WAC: variants seen among roughly 807,000 people sequenced by gnomAD.
WAC encodes WW domain-containing adapter protein with coiled-coil.
WAC carries 11 observed loss-of-function variants against 79.6 expected under a neutral mutation model. The ratio of observed to expected loss-of-function variants is 0.14; its 90% CI spans 0.09 to 0.23. WAC has a LOEUF of 0.23. Ranked by LOEUF, WAC falls within the 10% of genes least tolerant of loss-of-function variation. The probability of loss-of-function intolerance (pLI) is 1.00; values close to 1 mark genes in which losing one functional copy is unlikely to be tolerated. For synonymous variants in WAC, 304 were observed against 276.9 expected (o/e 1.10, Z -0.97); for missense variants, 728 against 773.5 (o/e 0.94, Z 0.70).
rs1473308612 is a variant in WAC at position 28,622,887 on chromosome 10, C to T, written c.*3281C>T. The stretch of plus-strand genomic sequence containing the variant: ...TATTGTAGTTCAGGACTTCCAGCTA[C>T]TGTATTTAGATGTTGGGTTTGAATA... On this transcript the variant is annotated 3_prime_UTR_variant, in exon 14 of 14. Transcript: ENST00000354911. 6.6e-6 allele frequency: 1 copy of T among 152,152 alleles called. No individual in the cohort carries two copies. The highest frequency in any genetic ancestry group is 1.5e-5 in the Non-Finnish European group (1 of 68,040). The allele number at this position is 152,152 out of a possible 1,614,324, so 9.4% of individuals were successfully genotyped here.
chr10:28,580,516 G>A (rs571506375), intron 3 of WAC, among the ~76,000 whole-genome samples: 12 of 152,286 alleles, frequency 7.9e-5, no homozygotes, highest in African/African-American at 2.6e-4. Flanking sequence ...TCAAGAATGT[G>A]TGCAAATAAA....
chr10:28,540,426 T>A (rs1190910946), intron 3 of WAC, among the ~76,000 whole-genome samples: 1 of 152,208 alleles, frequency 6.6e-6, no homozygotes, highest in African/African-American at 2.4e-5. Context: ...ATCTTCACCC[T>A]TCTTCCCTCA....
chr10:28,596,123 C>A, intron 7 of WAC, 82 bp downstream of exon 7: 3 of 1,390,480 alleles, frequency 2.2e-6, no homozygotes. Flanking sequence ...ACATTATTTC[C>A]TTTGGCTCTG....
At chr10:28,562,629 A>G (rs934717046) in intron 3 of WAC, among the ~76,000 whole-genome samples, 9 of 152,176 alleles carry the variant, frequency 5.9e-5, no homozygotes, top group Non-Finnish European at 1.2e-4. Context: ...ATGAGATAAG[A>G]AAGGTAGTAA....
intron 12 of WAC, among the ~76,000 whole-genome samples, chr10:28,617,264 T>C (rs577120953): frequency 6.6e-6 from 1 of 152,298 alleles, no homozygotes; most frequent in African/African-American, 2.4e-5. Flanking sequence ...TTACAGAGAA[T>C]ATGTTGTGTG....
chr10:28,597,120 C>T (rs1460060885), intron 7 of WAC, among the ~76,000 whole-genome samples: 1 of 151,916 alleles, frequency 6.6e-6, no homozygotes, highest in Non-Finnish European at 1.5e-5. Flanking sequence ...CCTTGTTATT[C>T]AACCATATAC....
chr10:28,595,614 A>G (rs190610524), intron 6 of WAC, 119 bp from the exon 7 acceptor site: 1 of 990,034 alleles, frequency 1.0e-6, no homozygotes, highest in African/African-American at 1.6e-5. Context: ...TTATAAAAGA[A>G]TATGTAAGTA....
chr10:28,616,317 C>G lies in WAC; in HGVS notation c.1701C>G (p.Leu567=), dbSNP rs1280301305. The part of the protein sequence containing the change: ...PALAAHFSEN[L]IKHVQGWPAD... ...TAGCAGCACACTTCAGTGAAAATCT[C>G]ATAAAACACGTTCAAGGATGGCCTG... The change falls in exon 12 of 14, where the codon CTC becomes CTG. Residue 567 remains leucine, a synonymous_variant. Coordinates refer to ENST00000354911, the MANE Select transcript of WAC (RefSeq NM_016628.5). 11 of 1,613,284 alleles carry G rather than the reference C, an allele frequency of 6.8e-6. No homozygotes were observed. The highest frequency in any genetic ancestry group is 9.3e-6 in the Non-Finnish European group (11 of 1,179,600).
chr10:28,586,113 T>C (rs1369054489), intron 4 of WAC, among the ~76,000 whole-genome samples: 4 of 152,194 alleles, frequency 2.6e-5, no homozygotes, highest in Non-Finnish European at 5.9e-5. Context: ...AAACAGCCCT[T>C]ATGAACTGTA....
At chr10:28,603,202 C>T (rs1840723019) in intron 7 of WAC, among the ~76,000 whole-genome samples, 1 of 152,108 alleles carries the variant, frequency 6.6e-6, no homozygotes. Context: ...TGTCTTGGTC[C>T]ACACGTAAAA....
intron 4 of WAC, among the ~76,000 whole-genome samples, chr10:28,585,248 C>T (rs546316587): frequency 1.3e-5 from 2 of 152,084 alleles, no homozygotes; most frequent in African/African-American, 4.8e-5. Context: ...GAGGAGGAGC[C>T]CCACAGAGCT....
intron 3 of WAC, among the ~76,000 whole-genome samples, chr10:28,565,364 C>T (rs1336418415): frequency 1.3e-5 from 2 of 152,052 alleles, no homozygotes; most frequent in Non-Finnish European, 2.9e-5. Flanking sequence ...AGGTTAGCTG[C>T]TTAACATTTT....
intron 4 of WAC, among the ~76,000 whole-genome samples, chr10:28,585,537 T>C (rs997562865): frequency 6.6e-6 from 1 of 151,852 alleles, no homozygotes; most frequent in African/African-American, 2.4e-5. Flanking sequence ...CATTTTCTTT[T>C]TCCTTTCTTT....
intron 3 of WAC, among the ~76,000 whole-genome samples, chr10:28,549,004 T>TC (rs1182295836): frequency 6.6e-6 from 1 of 152,200 alleles, no homozygotes; most frequent in Non-Finnish European, 1.5e-5. Context: ...GCTCAAGTGA[T>TC]CCTCTTGCCA....
chr10:28,533,485 T>TGCCCGCC lies in WAC; in HGVS notation c.-84_-78dup, dbSNP rs1283126329. 41 of 768,480 alleles carry TGCCCGCC rather than the reference T, an allele frequency of 5.3e-5. No individual in the cohort carries two copies. The highest frequency in any genetic ancestry group is 1.3e-4 in the East Asian group (1 of 7,832). 47.6% of individuals were successfully genotyped at this position (768,480 alleles called of 1,614,324 possible). ...GCGCGCCGGGCCCAGGTGCCGGGGC[T>TGCCCGCC]GCCCGCCGCCCGCCGCCGCCGCCGC... is the stretch of plus-strand genomic sequence containing the variant. On this transcript the variant is annotated 5_prime_UTR_variant, in exon 1 of 14. Coordinates refer to ENST00000354911, the MANE Select transcript of WAC (RefSeq NM_016628.5).
At chr10:28,610,601 AT>A (rs1841189814) in intron 8 of WAC, 97 bp from the exon 9 acceptor site, 1 of 1,269,090 alleles carries the variant, frequency 7.9e-7, no homozygotes, top group South Asian at 1.9e-5. Context: ...AGGTTGAAAT[AT>A]TCCAGTTTCT....
At chr10:28,597,839 C>T (rs1380085994) in intron 7 of WAC, among the ~76,000 whole-genome samples, 3 of 152,210 alleles carry the variant, frequency 2.0e-5, no homozygotes, top group African/African-American at 7.2e-5. Context: ...AAATCTTGGG[C>T]TCTTTCTCCT....
chr10:28,591,339 T>C (rs1337233071), intron 6 of WAC: 1 of 152,864 alleles, frequency 6.5e-6, no homozygotes, highest in East Asian at 1.9e-4. Context: ...GTAACATCTC[T>C]AGTTTGAATT....
chr10:28,551,160 A>T (rs1219135216), intron 3 of WAC, among the ~76,000 whole-genome samples: 1 of 152,180 alleles, frequency 6.6e-6, no homozygotes. Flanking sequence ...CCTGTATCTG[A>T]ATATTCAGTA....
Sources: allele counts gnomAD v4.1 joint callset (sites outside exome capture counted in the v4.1 genomes callset), GRCh38; gene constraint gnomAD v4.1.1; transcripts MANE v1.5; gene names NCBI Gene and HGNC (gene_info 2026-07-23, HGNC 2026-07-21).